Variants in DOCK4 observed in about 807,000 individuals in gnomAD.
DOCK4 encodes dedicator of cytokinesis protein 4.
Under a neutral mutation model 268.1 loss-of-function variants are expected in DOCK4, and 97 were observed. The observed-to-expected ratio is 0.36, with a 90% confidence interval of 0.31 to 0.43. DOCK4 has a LOEUF of 0.43. DOCK4 is among the 20% of genes least tolerant of loss of function. The pLI, the probability that DOCK4 is intolerant of heterozygous loss-of-function variation, is 1.00. For missense variants in DOCK4, 2,145 were observed against 2,455.7 expected, an observed-to-expected ratio of 0.87 and a Z score of 2.67; for synonymous variants, 954 against 887.2, an observed-to-expected ratio of 1.08 and a Z score of -1.34.
At chr7:112,053,825 A>G (rs868844238) in intron 1 of DOCK4, among the ~76,000 whole-genome samples, 17 of 152,186 alleles carry the variant, frequency 1.1e-4, no homozygotes, top group African/African-American at 3.9e-4. Context: ...ACCTTACCTA[A>G]GCACACAGGT....
chr7:111,913,698 C>T lies in DOCK4; in HGVS notation c.1192+2081G>A, dbSNP rs370036619. ...TGCTGGGATTACAGGCATGAGCCAC[C>T]GCGCCCGGCCACAATTTTTTTTTTT... is the stretch of plus-strand genomic sequence containing the variant. On this transcript the variant is annotated intron_variant, in intron 13 of 52. Transcript: ENST00000428084. Among the ~76,000 whole-genome samples, 1,365 of 150,240 alleles carry T rather than the reference C, an allele frequency of 9.1e-3. 23 individuals carry two copies. Among genetic ancestry groups the T allele is most frequent in the African/African-American group, 0.031 (1,259 of 40,950 alleles).
At chr7:111,869,874 AT>A (rs139459885) in intron 20 of DOCK4, among the ~76,000 whole-genome samples, 2,013 of 152,300 alleles carry the variant, frequency 0.013, 50 homozygotes, top group African/African-American at 0.046. Context: ...ATCTGGACAT[AT>A]TCCATAGCCC....
chr7:112,054,008 C>A (rs1342430322), intron 1 of DOCK4, among the ~76,000 whole-genome samples: 2 of 152,060 alleles, frequency 1.3e-5, no homozygotes, highest in Non-Finnish European at 2.9e-5. Context: ...CTGAGAAGAG[C>A]AGGGACGAAA....
intron 1 of DOCK4, among the ~76,000 whole-genome samples, chr7:112,149,402 A>C (rs1205239670): frequency 6.6e-6 from 1 of 152,146 alleles, no homozygotes; most frequent in Non-Finnish European, 1.5e-5. Context: ...CACACGTGAT[A>C]ATTTTTCTGT....
At chr7:112,154,262 G>C (rs376293952) in intron 1 of DOCK4, among the ~76,000 whole-genome samples, 72 of 152,190 alleles carry the variant, frequency 4.7e-4, no homozygotes, top group African/African-American at 1.7e-3. Context: ...ATAAGCACCT[G>C]TACCCAGTTG....
At chr7:111,922,658 T>G (rs1218288329) in intron 12 of DOCK4, among the ~76,000 whole-genome samples, 1 of 152,184 alleles carries the variant, frequency 6.6e-6, no homozygotes, top group Non-Finnish European at 1.5e-5. Context: ...CTTGGCTCAC[T>G]GCAACCTCCA....
At chr7:111,769,471 A>T (rs922626075) in intron 37 of DOCK4, 58 bp downstream of exon 37, 206 of 1,596,968 alleles carry the variant, frequency 1.3e-4, no homozygotes, top group Non-Finnish European at 1.7e-4. Flanking sequence ...AATGAAAGGG[A>T]AAGGGACATC....
intron 37 of DOCK4, 68 bp from the exon 38 acceptor site, chr7:111,767,186 G>C: frequency 8.4e-7 from 1 of 1,192,060 alleles, no homozygotes; most frequent in Non-Finnish European, 1.2e-6. Context: ...CCAAAAGTCA[G>C]AACATGAGTG....
At chr7:112,082,536 G>C (rs58642900) in intron 1 of DOCK4, among the ~76,000 whole-genome samples, 16,716 of 152,134 alleles carry the variant, frequency 0.11, 2,805 homozygotes, top group African/African-American at 0.36. Context: ...AATAAATTTC[G>C]TAATTGTTGT....
chr7:111,832,746 T>G (rs1802937354), intron 26 of DOCK4, among the ~76,000 whole-genome samples: 1 of 152,274 alleles, frequency 6.6e-6, no homozygotes, highest in African/African-American at 2.4e-5. Flanking sequence ...CAAGCTGGCC[T>G]TGATCTCAGG....
At chr7:111,758,159 G>A (rs968846524) in intron 41 of DOCK4, among the ~76,000 whole-genome samples, 1 of 152,096 alleles carries the variant, frequency 6.6e-6, no homozygotes, top group African/African-American at 2.4e-5. Context: ...CTTACCCAAC[G>A]TACCAGCAGT....
At chr7:111,765,087 G>T (rs1173908696) in intron 39 of DOCK4, 31 bp downstream of exon 39, 1 of 1,161,462 alleles carries the variant, frequency 8.6e-7, no homozygotes. Flanking sequence ...TATGAGAGCT[G>T]TGAAAGCAAA....
chr7:112,016,176 C>A (rs991524938), intron 1 of DOCK4, among the ~76,000 whole-genome samples: 1 of 152,218 alleles, frequency 6.6e-6, no homozygotes, highest in Non-Finnish European at 1.5e-5. Context: ...TTAGTTGTTA[C>A]ATTTTCTTAG....
intron 1 of DOCK4, among the ~76,000 whole-genome samples, chr7:112,156,858 G>A (rs2116453471): frequency 6.6e-6 from 1 of 152,172 alleles, no homozygotes; most frequent in South Asian, 2.1e-4. Flanking sequence ...TATAAGTAAA[G>A]ACAAATTAAT....
chr7:112,059,284 A>G (rs1806153874), intron 1 of DOCK4, among the ~76,000 whole-genome samples: 1 of 151,890 alleles, frequency 6.6e-6, no homozygotes, highest in South Asian at 2.1e-4. Context: ...CTGGGATTAC[A>G]GGTGCACACC....
chr7:111,765,203 T>A lies in DOCK4; in HGVS notation c.3935A>T (p.Tyr1312Phe). Residue 1312 changes from tyrosine (Y) to phenylalanine (F), a missense_variant, in exon 39 of 53, where the codon TAT becomes TTT. Physicochemically the swap from Tyr to Phe is conservative, Grantham distance 22. Around this residue, in one of 2 missense-constraint regions of DOCK4, gnomAD observed 1,598 missense variants for 1,986.7 expected, o/e 0.80. Coordinates refer to ENST00000428084, the MANE Select transcript of DOCK4 (RefSeq NM_001363540.2). ...ACGTTGCTGGTCCATAATTTTGTCA[T>A]ACAAAGAGGCTTCCATCATCTAGAA... ...SKMRMMEASL[Y>F]DKIMDQQRLE... 6 of 1,553,074 alleles carry A rather than the reference T, an allele frequency of 3.9e-6. No individual in the cohort carries two copies. Among genetic ancestry groups the A allele is most frequent in the Non-Finnish European group, 4.3e-6 (5 of 1,151,040 alleles).
chr7:111,826,936 C>T (rs1486081116), intron 26 of DOCK4, among the ~76,000 whole-genome samples: 1 of 151,938 alleles, frequency 6.6e-6, no homozygotes, highest in Non-Finnish European at 1.5e-5. Flanking sequence ...AAAAATTAGG[C>T]TTGTGAAACA....
intron 1 of DOCK4, among the ~76,000 whole-genome samples, chr7:112,149,192 C>T (rs972681971): frequency 2.6e-5 from 4 of 152,148 alleles, no homozygotes; most frequent in East Asian, 1.9e-4. Flanking sequence ...TGCAACTGCG[C>T]GGCCCTTCCC....
At position 111,994,126 on chromosome 7, in the gene DOCK4, C is replaced by A; in HGVS notation, c.315+9G>T. 6.4e-7 allele frequency: 1 copy of A among 1,558,888 alleles called. No individual in the cohort carries two copies. The highest frequency in any genetic ancestry group is 8.7e-7 in the Non-Finnish European group (1 of 1,146,778). Reference sequence around the variant, plus strand: ...CCCGAAAAATCGTGTCATTAAAAAGCTACTTAACCACATAGAGTTGTTTCC... The same window carrying A: ...CCCGAAAAATCGTGTCATTAAAAAGATACTTAACCACATAGAGTTGTTTCC... On this transcript the variant is annotated intron_variant, in intron 5 of 52. Coordinates refer to ENST00000428084, the MANE Select transcript of DOCK4 (RefSeq NM_001363540.2).
Sources: allele counts gnomAD v4.1 joint callset (sites outside exome capture counted in the v4.1 genomes callset), GRCh38; gene constraint gnomAD v4.1.1; regional missense constraint gnomAD v4.1.1; transcripts MANE v1.5; gene names NCBI Gene and HGNC (gene_info 2026-07-23, HGNC 2026-07-21).